DOCK2: variants seen among roughly 807,000 people sequenced by gnomAD.
DOCK2 encodes the protein dedicator of cytokinesis protein 2.
A neutral mutation model predicts 248.9 loss-of-function variants in DOCK2; 87 were observed. The observed-to-expected ratio is 0.35, with a 90% CI of 0.29 to 0.42. DOCK2 has a LOEUF of 0.42. Among genes scored for constraint, DOCK2 ranks in the 10% least tolerant of loss-of-function variants. The pLI is 1.00. For synonymous variants in DOCK2, 805 were observed against 821.6 expected (o/e 0.98, Z 0.35); for missense variants, 1,747 against 2,300.2 (o/e 0.76, Z 4.92).
chr5:170,000,089 C>G (rs748501753), intron 30 of DOCK2: 4 of 152,136 alleles, frequency 2.6e-5, no homozygotes, highest in African/African-American at 4.8e-5. Flanking sequence ...CAGGGAAGAC[C>G]AAGAGAGGAT....
intron 27 of DOCK2, among the ~76,000 whole-genome samples, chr5:169,873,504 T>C (rs1772116394): frequency 6.6e-6 from 1 of 152,230 alleles, no homozygotes; most frequent in South Asian, 2.1e-4. Flanking sequence ...GAATAACAGA[T>C]ATGCTGTGTG....
Position 170,053,986 on chromosome 5 carries a change from C to T in DOCK2, c.4214-1319C>T, listed in dbSNP as rs901652911. Among the ~76,000 whole-genome samples, 6 of 152,160 alleles carry T rather than the reference C, an allele frequency of 3.9e-5. No individual in the cohort carries two copies. The East Asian group carries it at 5.8e-4, about 15-fold the overall frequency. The stretch of plus-strand genomic sequence containing the variant: ...GGGTGGATCCTAAGAGAAGCAAAGA[C>T]GAAGGCTGTGGAAAGCCAAAGGAAG... On this transcript the variant is annotated intron_variant, in intron 41 of 51. Coordinates refer to ENST00000520908, the MANE Select transcript of DOCK2 (RefSeq NM_004946.3).
At position 169,695,919 on chromosome 5, in the gene DOCK2, G is replaced by T; in HGVS notation, c.960G>T (p.Arg320Ser). ...TGAKKCTQGL[R>S]RPFGVAVMDI... Reference sequence around the variant, plus strand: ...CAAAGAAGTGCACGCAGGGACTGAGGAGGCCCTTTGGGGTGGCAGGTAAGG... The same window carrying T: ...CAAAGAAGTGCACGCAGGGACTGAGTAGGCCCTTTGGGGTGGCAGGTAAGG... The change falls in exon 10 of 52, where the codon AGG becomes AGT. Residue 320 changes from arginine to serine, a missense_variant. Physicochemically the swap from Arg to Ser is moderately radical, Grantham distance 110 (BLOSUM62 -1). Around this residue, in one of 4 missense-constraint regions of DOCK2, gnomAD observed 375 missense variants for 510.9 expected, o/e 0.73. Transcript: ENST00000520908. 1 of 1,608,346 alleles carries T rather than the reference G, an allele frequency of 6.2e-7. No individual in the cohort carries two copies. Among genetic ancestry groups the T allele is most frequent in the Non-Finnish European group, 8.5e-7 (1 of 1,177,246 alleles).
At chr5:169,973,138 C>T (rs1777588527) in intron 27 of DOCK2, among the ~76,000 whole-genome samples, 2 of 152,170 alleles carry the variant, frequency 1.3e-5, no homozygotes, top group Admixed American at 6.5e-5. Context: ...ATCTTCCCTC[C>T]TGGAAGCTCT....
chr5:169,723,478 G>T lies in DOCK2; in HGVS notation c.2267+4687G>T, dbSNP rs140382678. ...AAGGTACTTACTTAGCACAGTGCTG[G>T]TCACATAGCCAGTATACATGGTTAT... On this transcript the variant is annotated intron_variant, in intron 22 of 51. Transcript: ENST00000520908. 3.3e-5 allele frequency among the ~76,000 whole-genome samples: 5 copies of T among 152,228 alleles called. No individual in the cohort carries two copies. In the East Asian group the frequency reaches 9.6e-4, roughly 29 times the overall value.
Position 169,867,515 on chromosome 5 carries a change from C to T in DOCK2, c.2799+26663C>T, listed in dbSNP as rs182521319. On this transcript the variant is annotated intron_variant, in intron 27 of 51. Transcript: ENST00000520908. ...AATCTATCATCTATTATCTATTTAT[C>T]TATCTATCATCTATCATCTATCATG... Among the ~76,000 whole-genome samples, 34 of 151,600 alleles carry T rather than the reference C, an allele frequency of 2.2e-4. 1 individual carries two copies. Among genetic ancestry groups the T allele is most frequent in the Middle Eastern group, 3.4e-3 (1 of 294 alleles).
intron 27 of DOCK2, among the ~76,000 whole-genome samples, chr5:169,943,486 G>A (rs895482776): frequency 2.0e-5 from 3 of 152,102 alleles, no homozygotes; most frequent in Non-Finnish European, 2.9e-5. Flanking sequence ...AGATTTTAGG[G>A]CCTCTCTTGA....
chr5:170,068,721 T>C (rs1447947455), intron 45 of DOCK2, among the ~76,000 whole-genome samples: 1 of 152,168 alleles, frequency 6.6e-6, no homozygotes, highest in Non-Finnish European at 1.5e-5. Context: ...TACTGAATTA[T>C]TTTCCACAGA....
In DOCK2 at chr5:169,690,391, A is replaced by G. The variant is rs142655066; in HGVS notation, c.843+1058A>G. On this transcript the variant is annotated intron_variant, in intron 9 of 51. Transcript: ENST00000520908. ...TGGATCCAGGAGTGACCGACATGCTAGATTAACCTACCTTGCTCTACAATA... is the reference window on the plus strand; with the variant it reads ...TGGATCCAGGAGTGACCGACATGCTGGATTAACCTACCTTGCTCTACAATA... Among the ~76,000 whole-genome samples the G allele has an allele frequency of 1.3e-3, 194 of 152,348 alleles. 1 individual carries two copies. The highest frequency in any genetic ancestry group is 4.6e-3 in the African/African-American group (190 of 41,588).
intron 32 of DOCK2, among the ~76,000 whole-genome samples, chr5:170,010,893 A>G (rs1311637269): frequency 1.3e-5 from 2 of 152,178 alleles, no homozygotes; most frequent in Admixed American, 1.3e-4. Context: ...AATGTCCTTC[A>G]TTGCCATTGT....
At chr5:170,061,850 A>G (rs1378142910) in intron 44 of DOCK2, among the ~76,000 whole-genome samples, 1 of 152,104 alleles carries the variant, frequency 6.6e-6, no homozygotes, top group African/African-American at 2.4e-5. Flanking sequence ...AGCGGTGGTG[A>G]TAGATTTTCA....
chr5:170,056,490 C>A, intron 42 of DOCK2, 194 bp from the exon 43 acceptor site: 1 of 522,426 alleles, frequency 1.9e-6, no homozygotes, highest in Non-Finnish European at 3.4e-6. Flanking sequence ...TTCTAAATTG[C>A]CTTGTCAGGA....
chr5:169,973,758 A>G (rs1169961346), intron 27 of DOCK2, among the ~76,000 whole-genome samples: 1 of 152,226 alleles, frequency 6.6e-6, no homozygotes, highest in Non-Finnish European at 1.5e-5. Context: ...AGCCATAGAG[A>G]ATAGTCATTA....
intron 25 of DOCK2, among the ~76,000 whole-genome samples, chr5:169,778,642 G>A (rs1481809463): frequency 6.6e-6 from 1 of 152,182 alleles, no homozygotes; most frequent in Non-Finnish European, 1.5e-5. Context: ...TGAGCTACAC[G>A]AAGGATTGTA....
intron 27 of DOCK2, among the ~76,000 whole-genome samples, chr5:169,874,794 A>G (rs191440597): frequency 1.3e-5 from 2 of 152,282 alleles, no homozygotes; most frequent in African/African-American, 4.8e-5. Context: ...GGTGGGAGGA[A>G]GGAACGGTTA....
intron 27 of DOCK2, among the ~76,000 whole-genome samples, chr5:169,906,371 G>A (rs755602914): frequency 2.6e-5 from 4 of 152,148 alleles, no homozygotes; most frequent in Non-Finnish European, 5.9e-5. Context: ...GCCAGCAAAC[G>A]GGCGTTCATC....
intron 8 of DOCK2, among the ~76,000 whole-genome samples, chr5:169,686,494 C>G (rs970359965): frequency 2.6e-5 from 4 of 152,080 alleles, no homozygotes; most frequent in African/African-American, 9.6e-5. Context: ...GAGAGGAGGA[C>G]AAAGGGGGCA....
At chr5:169,859,738 C>A (rs554852781) in intron 27 of DOCK2, among the ~76,000 whole-genome samples, 3 of 152,282 alleles carry the variant, frequency 2.0e-5, no homozygotes, top group Non-Finnish European at 4.4e-5. Context: ...TTGCTATAAG[C>A]CCTTGGACAA....
At chr5:170,075,500 G>C (rs1008260025) in intron 46 of DOCK2, 4 of 160,102 alleles carry the variant, frequency 2.5e-5, no homozygotes, top group Admixed American at 1.8e-4. Flanking sequence ...CCCCTCCTCT[G>C]TTTTCTCTCA....
Sources: gnomAD v4.1 joint callset for allele counts (sites outside exome capture counted in the v4.1 genomes callset) on GRCh38, gnomAD v4.1.1 for gene constraint, gnomAD v4.1.1 regional missense constraint, MANE v1.5 for transcripts, NCBI Gene and HGNC (gene_info 2026-07-23, HGNC 2026-07-21) for gene names.